WDR7: variants seen among roughly 807,000 people sequenced by gnomAD.
WDR7 encodes the protein WD repeat-containing protein 7.
Under a neutral mutation model 169.4 loss-of-function variants are expected in WDR7, and 46 were observed. That is an observed-to-expected ratio of 0.27 (90% confidence interval 0.21 to 0.35). The LOEUF (loss-of-function observed/expected upper bound fraction) is 0.35. WDR7 is among the 10% of genes least tolerant of loss of function. The pLI is 1.00. For missense variants in WDR7, 1,534 were observed against 1,859.3 expected, an observed-to-expected ratio of 0.83 and a Z score of 3.22; for synonymous variants, 612 against 666.8, an observed-to-expected ratio of 0.92 and a Z score of 1.27.
intron 27 of WDR7, among the ~76,000 whole-genome samples, chr18:57,024,232 A>G (rs2048326730): frequency 6.6e-6 from 1 of 152,160 alleles, no homozygotes; most frequent in Admixed American, 6.5e-5. Flanking sequence ...ACCAAATCTC[A>G]TAATTCCACA....
intron 25 of WDR7, among the ~76,000 whole-genome samples, chr18:56,958,595 T>C (rs1175501419): frequency 6.6e-6 from 1 of 152,146 alleles, no homozygotes; most frequent in Non-Finnish European, 1.5e-5. Context: ...TAACTACATA[T>C]TTTTTATTAT....
At chr18:56,893,234 T>C (rs2046288127) in intron 21 of WDR7, among the ~76,000 whole-genome samples, 1 of 152,090 alleles carries the variant, frequency 6.6e-6, no homozygotes, top group South Asian at 2.1e-4. Flanking sequence ...TTCCTAATTT[T>C]TAAATAAACT....
chr18:56,932,667 A>G (rs985417234), intron 22 of WDR7, among the ~76,000 whole-genome samples: 3 of 152,114 alleles, frequency 2.0e-5, no homozygotes, highest in Non-Finnish European at 4.4e-5. Context: ...TTGTTACCTC[A>G]TTTAGTCTTC....
intron 20 of WDR7, among the ~76,000 whole-genome samples, chr18:56,835,933 A>G (rs1191299666): frequency 6.6e-6 from 1 of 152,226 alleles, no homozygotes; most frequent in Non-Finnish European, 1.5e-5. Context: ...TATATGATTC[A>G]TGAAGTGAGG....
intron 21 of WDR7, among the ~76,000 whole-genome samples, chr18:56,908,277 T>C (rs147164322): frequency 0.011 from 1,623 of 152,290 alleles, 33 homozygotes; most frequent in African/African-American, 0.035. Flanking sequence ...GGTTTGCCTT[T>C]CTCTGACTTA....
At position 56,704,772 on chromosome 18, in the gene WDR7, A is replaced by G. The variant is rs76190422; in HGVS notation, c.1578+8310A>G. ...ATTTTAAAAAATTAGAAATTCTTAC[A>G]TTTTGGAAAGATTCCTTAAAATCTT... On this transcript the variant is annotated intron_variant, in intron 12 of 27. Transcript: ENST00000254442. 1.6e-4 allele frequency among the ~76,000 whole-genome samples: 24 copies of G among 152,280 alleles called. No individual in the cohort carries two copies. In the East Asian group the frequency reaches 4.6e-3, roughly 29 times the overall value.
At chr18:56,775,805 C>G (rs1382577400) in intron 16 of WDR7, among the ~76,000 whole-genome samples, 1 of 152,062 alleles carries the variant, frequency 6.6e-6, no homozygotes, top group Non-Finnish European at 1.5e-5. Flanking sequence ...TCTGTTGTCA[C>G]AAAAGAACTT....
intron 25 of WDR7, among the ~76,000 whole-genome samples, chr18:56,962,064 A>G (rs2047345772): frequency 6.6e-6 from 1 of 152,132 alleles, no homozygotes; most frequent in South Asian, 2.1e-4. Flanking sequence ...TTTCTGCTCA[A>G]ATAGAACTAT....
chr18:56,845,317 A>C (rs2045552126), intron 20 of WDR7, among the ~76,000 whole-genome samples: 2 of 152,188 alleles, frequency 1.3e-5, no homozygotes, highest in South Asian at 4.1e-4. Context: ...TATTTTTGGT[A>C]TTTTGAGTAT....
rs186319529 is a variant in WDR7, at chr18:56,914,001, A to G, written c.3527-9921A>G. ...AGCAGTCTGCATCACTGTCCTCCAC[A>G]TAACCTTCCACAAGTTTCTCATGAC... On this transcript the variant is annotated intron_variant, in intron 21 of 27. Coordinates refer to ENST00000254442, the MANE Select transcript of WDR7 (RefSeq NM_015285.3). Among the ~76,000 whole-genome samples the G allele has an allele frequency of 1.4e-4, 22 of 152,222 alleles. No homozygotes were observed. The East Asian group carries it at 3.7e-3, about 25-fold the overall frequency.
In WDR7 at chr18:56,686,985, T is replaced by C; in HGVS notation, c.717+11T>C. 1 of 1,599,078 alleles carries C rather than the reference T, an allele frequency of 6.3e-7. No individual in the cohort carries two copies. Among genetic ancestry groups the C allele is most frequent in the South Asian group, 1.1e-5 (1 of 88,580 alleles). On this transcript the variant is annotated intron_variant, in intron 7 of 27. Transcript: ENST00000254442. ...TCCAAATATTGGAGGGTAAGATAAT[T>C]ATATAAATAAGAAGCTGTATTTTTA...
intron 26 of WDR7, among the ~76,000 whole-genome samples, chr18:56,978,022 A>G (rs1044068746): frequency 6.6e-6 from 1 of 152,232 alleles, no homozygotes; most frequent in African/African-American, 2.4e-5. Flanking sequence ...AGCCTCTGGA[A>G]TTACTGCCTC....
intron 1 of WDR7, among the ~76,000 whole-genome samples, chr18:56,659,435 A>G (rs2024857356): frequency 6.6e-6 from 1 of 152,230 alleles, no homozygotes; most frequent in African/African-American, 2.4e-5. Context: ...CACTGGGAAT[A>G]CAATAGAGAA....
chr18:56,681,140 G>A (rs1042265599), intron 3 of WDR7, among the ~76,000 whole-genome samples, 173 bp from the exon 4 acceptor site: 1 of 152,136 alleles, frequency 6.6e-6, no homozygotes, highest in Admixed American at 6.5e-5. Context: ...TGGAAGGGGT[G>A]TTAGGAGGGT....
chr18:56,788,704 A>G (rs2044440427), intron 19 of WDR7, among the ~76,000 whole-genome samples: 1 of 152,278 alleles, frequency 6.6e-6, no homozygotes, highest in South Asian at 2.1e-4. Context: ...TGAAGAACTC[A>G]ATAATTCTAA....
chr18:57,014,588 C>G (rs767854078), intron 26 of WDR7, among the ~76,000 whole-genome samples: 2 of 151,610 alleles, frequency 1.3e-5, no homozygotes, highest in Non-Finnish European at 2.9e-5. Flanking sequence ...ACCTGAGATG[C>G]GGAGGTTGCA....
chr18:56,672,343 T>C (rs2025153611), intron 1 of WDR7, among the ~76,000 whole-genome samples, 154 bp from the exon 2 acceptor site: 1 of 151,876 alleles, frequency 6.6e-6, no homozygotes, highest in Non-Finnish European at 1.5e-5. Context: ...AATAAACTAG[T>C]CGTTTTTTTT....
rs562870803 is a variant in WDR7 at position 56,757,863 on chromosome 18, G to C, written c.2759+511G>C. Among the ~76,000 whole-genome samples the C allele has an allele frequency of 1.5e-4, 23 of 152,126 alleles. No individual in the cohort carries two copies. In the South Asian group the frequency reaches 4.8e-3, roughly 32 times the overall value. On this transcript the variant is annotated intron_variant, in intron 15 of 27. Coordinates refer to ENST00000254442, the MANE Select transcript of WDR7 (RefSeq NM_015285.3). ...ACATGCATGTAGTCCCAGCTACTTG[G>C]GGGGCTGAGGTGGGAGGGTCGCTTG...
chr18:56,823,375 C>T (rs138661982), intron 20 of WDR7, among the ~76,000 whole-genome samples: 1,864 of 152,154 alleles, frequency 0.012, 34 homozygotes, highest in African/African-American at 0.04. Flanking sequence ...GTCAGGAGTT[C>T]GAGACCACCC....
Sources: allele counts gnomAD v4.1 joint callset (sites outside exome capture counted in the v4.1 genomes callset), GRCh38; gene constraint gnomAD v4.1.1; transcripts MANE v1.5; gene names NCBI Gene and HGNC (gene_info 2026-07-23, HGNC 2026-07-21).